ZC2HC1B: variants seen among roughly 807,000 people sequenced by gnomAD.
ZC2HC1B encodes zinc finger C2HC domain-containing protein 1B.
Under a neutral mutation model 31.0 loss-of-function variants are expected in ZC2HC1B, and 36 were observed. The ratio of observed to expected loss-of-function variants is 1.16; its 90% CI spans 0.89 to 1.54. ZC2HC1B has a LOEUF of 1.54. Ranked by LOEUF, ZC2HC1B falls within the 40% of genes most tolerant of loss-of-function variation. The probability of loss-of-function intolerance (pLI) is 0.00; values close to 1 mark genes in which losing one functional copy is unlikely to be tolerated. For missense variants in ZC2HC1B, 260 were observed against 268.6 expected, an observed-to-expected ratio of 0.97 and a Z score of 0.22; for synonymous variants, 73 against 88.0, an observed-to-expected ratio of 0.83 and a Z score of 0.95.
chr6:143,903,629 C>T lies in ZC2HC1B; in HGVS notation c.598+477C>T, dbSNP rs1005571314. Among the ~76,000 whole-genome samples, 8 of 152,162 alleles carry T rather than the reference C, an allele frequency of 5.3e-5. No homozygotes were observed. Among genetic ancestry groups the T allele is most frequent in the Admixed American group, 2.0e-4 (3 of 15,278 alleles). The stretch of plus-strand genomic sequence containing the variant: ...TAAAGTTGAAAAATCTTATGTCAAA[C>T]TAACATAAGTCAAGAATTTCTGTAC... On this transcript the variant is annotated intron_variant, in intron 6 of 7. Coordinates refer to ENST00000237275, the MANE Select transcript of ZC2HC1B (RefSeq NM_001013623.3). The surrounding 1 kb of genome is among the most constrained non-coding windows in gnomAD (Gnocchi z 4.3).
chr6:143,919,232 T>C (rs1777958262), intron 6 of ZC2HC1B, among the ~76,000 whole-genome samples: 1 of 146,132 alleles, frequency 6.8e-6, no homozygotes, highest in African/African-American at 2.5e-5. Flanking sequence ...TGTGTGTGTG[T>C]GTGTGTGTGT....
chr6:143,910,323 G>A (rs1777842706), intron 6 of ZC2HC1B, among the ~76,000 whole-genome samples: 1 of 152,194 alleles, frequency 6.6e-6, no homozygotes. Flanking sequence ...GCTGTGGTCT[G>A]ACAGACTGGT....
intron 1 of ZC2HC1B, among the ~76,000 whole-genome samples, chr6:143,875,793 G>A (rs961437589): frequency 6.6e-6 from 1 of 150,514 alleles, no homozygotes; most frequent in Admixed American, 6.6e-5. Flanking sequence ...ACTGTCTCAG[G>A]GGAGGCCATC....
chr6:143,875,654 G>T (rs902602551), intron 1 of ZC2HC1B, among the ~76,000 whole-genome samples: 1 of 150,418 alleles, frequency 6.6e-6, no homozygotes, highest in African/African-American at 2.5e-5. Flanking sequence ...CGAGTGTATC[G>T]CACCTCCTCA....
chr6:143,866,395 T>C (rs559948708), intron 1 of ZC2HC1B, among the ~76,000 whole-genome samples: 22 of 152,380 alleles, frequency 1.4e-4, no homozygotes, highest in African/African-American at 5.0e-4. Flanking sequence ...TTTGCCCTCG[T>C]GATCACATGG....
At chr6:143,875,033 A>T (rs1402004344) in intron 1 of ZC2HC1B, among the ~76,000 whole-genome samples, 5 of 152,056 alleles carry the variant, frequency 3.3e-5, no homozygotes, top group Admixed American at 1.3e-4. Flanking sequence ...GGGTTTCATC[A>T]TATTGGCCAG....
chr6:143,898,243 A>G (rs1041813327), intron 4 of ZC2HC1B, among the ~76,000 whole-genome samples: 1 of 152,026 alleles, frequency 6.6e-6, no homozygotes, highest in Non-Finnish European at 1.5e-5. Context: ...GTGCTGTGGC[A>G]TGATCACAGC....
At chr6:143,897,043 C>T (rs1209003152) in intron 4 of ZC2HC1B, among the ~76,000 whole-genome samples, 1 of 151,948 alleles carries the variant, frequency 6.6e-6, no homozygotes, top group East Asian at 1.9e-4. Context: ...GATAAGGCTA[C>T]CAGATAATTC....
At chr6:143,925,165 C>CTTTTTTT (rs71024879) in intron 6 of ZC2HC1B, among the ~76,000 whole-genome samples, 7 of 104,180 alleles carry the variant, frequency 6.7e-5, no homozygotes, top group South Asian at 3.1e-4. Flanking sequence ...AATCTCATTC[C>CTTTTTTT]TTTTTTTTTT....
At chr6:143,929,982 C>T (rs983530760) in intron 6 of ZC2HC1B, among the ~76,000 whole-genome samples, 9 of 152,066 alleles carry the variant, frequency 5.9e-5, no homozygotes, top group Non-Finnish European at 1.2e-4. Context: ...CTTCTTTCTT[C>T]CTTCCTAGGT....
chr6:143,903,455 A>G lies in ZC2HC1B; in HGVS notation c.598+303A>G, dbSNP rs1321597480. Among the ~76,000 whole-genome samples the G allele has an allele frequency of 1.3e-5, 2 of 152,206 alleles. No homozygotes were observed. The highest frequency in any genetic ancestry group is 4.8e-5 in the African/African-American group (2 of 41,454). Reference sequence around the variant, plus strand: ...AAAATAGGAGAAGACCACGTGTCATATGTTTGTGTTGAAAATAAGGGGAAA... The same window carrying G: ...AAAATAGGAGAAGACCACGTGTCATGTGTTTGTGTTGAAAATAAGGGGAAA... On this transcript the variant is annotated intron_variant, in intron 6 of 7. Transcript: ENST00000237275. This position sits in a 1 kb window ranked among gnomAD's most constrained non-coding sequence, Gnocchi z 4.3.
In ZC2HC1B at chr6:143,872,213, G is replaced by C. The variant is rs538685929; in HGVS notation, c.28+7646G>C. Among the ~76,000 whole-genome samples the C allele has an allele frequency of 1.4e-4, 22 of 152,240 alleles. No homozygotes were observed. The highest frequency in any genetic ancestry group is 5.1e-4 in the African/African-American group (21 of 41,544). ...CTCCCCTTCATTCAAGCAGCTCTGG[G>C]TTCGTAAACTGGCTCAAGTCTGGAA... On this transcript the variant is annotated intron_variant, in intron 1 of 7. Transcript: ENST00000237275. The surrounding 1 kb of genome is among the most constrained non-coding windows in gnomAD (Gnocchi z 5.5).
intron 1 of ZC2HC1B, among the ~76,000 whole-genome samples, chr6:143,876,548 T>C (rs1777410504): frequency 6.6e-6 from 1 of 150,600 alleles, no homozygotes; most frequent in Admixed American, 6.6e-5. Context: ...TAATATTCTG[T>C]TCTTCTAGAA....
rs1209283902 is a variant in ZC2HC1B, at chr6:143,898,492, T to G, written c.350-60T>G. On this transcript the variant is annotated intron_variant, in intron 4 of 7. Transcript: ENST00000237275. ...TCATGTAGTTCATTCTATAATTCTA[T>G]AGTATTCTATAGTTGTTTTTGAAGT... 5 of 1,517,920 alleles carry G rather than the reference T, an allele frequency of 3.3e-6. No individual in the cohort carries two copies. In the African/African-American group the frequency reaches 6.9e-5, roughly 21 times the overall value. The allele number at this position is 1,517,920 out of a possible 1,614,324, so 94.0% of individuals were successfully genotyped here.
chr6:143,886,612 C>T lies in ZC2HC1B; in HGVS notation c.211-71C>T. 1 of 1,340,290 alleles carries T rather than the reference C, an allele frequency of 7.5e-7. No individual in the cohort carries two copies. Among genetic ancestry groups the T allele is most frequent in the Non-Finnish European group, 9.7e-7 (1 of 1,034,818 alleles). The allele number at this position is 1,340,290 out of a possible 1,614,324, so 83.0% of individuals were successfully genotyped here. ...TTCTGTTTCCTGTGAATTCAAATTC[C>T]AGCTTTAAACAAAATTGTAATGGAG... On this transcript the variant is annotated intron_variant, in intron 3 of 7. Coordinates refer to ENST00000237275, the MANE Select transcript of ZC2HC1B (RefSeq NM_001013623.3). The surrounding 1 kb of genome is among the most constrained non-coding windows in gnomAD (Gnocchi z 4.2).
In ZC2HC1B at chr6:143,886,721, T is replaced by C. The variant is rs751268266; in HGVS notation, c.249T>C (p.His83=). Residue 83 remains histidine (H), a synonymous_variant, in exon 4 of 8, where the codon CAT becomes CAC. Transcript: ENST00000237275. This position sits in a 1 kb window ranked among gnomAD's most constrained non-coding sequence, Gnocchi z 4.2. ...GGAAGTCTAACTGGAGACAACAACATGAAGACTTTATTAATGCAATCCGAT... is the reference window on the plus strand; with the variant it reads ...GGAAGTCTAACTGGAGACAACAACACGAAGACTTTATTAATGCAATCCGAT... ...PVRKSNWRQQ[H]EDFINAIRSA... 1.3e-6 allele frequency: 2 copies of C among 1,547,540 alleles called. No homozygotes were observed. Among genetic ancestry groups the C allele is most frequent in the East Asian group, 2.5e-5 (1 of 40,480 alleles).
At chr6:143,902,818 G>A (rs1009940305) in intron 5 of ZC2HC1B, among the ~76,000 whole-genome samples, 1 of 152,010 alleles carries the variant, frequency 6.6e-6, no homozygotes, top group Non-Finnish European at 1.5e-5. Context: ...ATTATGGAAG[G>A]GAAGCTTCAA....
intron 5 of ZC2HC1B, among the ~76,000 whole-genome samples, chr6:143,902,590 G>T (rs1183872583): frequency 1.3e-5 from 2 of 152,116 alleles, no homozygotes; most frequent in Non-Finnish European, 2.9e-5. Context: ...CAGGGAGGGG[G>T]ATGGTGTAGG....
At chr6:143,888,781 G>C (rs1222733601) in intron 4 of ZC2HC1B, among the ~76,000 whole-genome samples, 1 of 151,862 alleles carries the variant, frequency 6.6e-6, no homozygotes, top group African/African-American at 2.4e-5. Context: ...TATTATTGCT[G>C]ATAGTGTTTT....
Sources: gnomAD v4.1 joint callset for allele counts (sites outside exome capture counted in the v4.1 genomes callset) on GRCh38, gnomAD v4.1.1 for gene constraint, Gnocchi (gnomAD v3.1) non-coding constraint, MANE v1.5 for transcripts, NCBI Gene and HGNC (gene_info 2026-07-23, HGNC 2026-07-21) for gene names.